MTMR10: variants seen among roughly 807,000 people sequenced by gnomAD.
The protein encoded by MTMR10 is myotubularin-related protein 10.
In MTMR10, 56 loss-of-function variants were observed where a neutral mutation model predicts 88.1. That is an observed-to-expected ratio of 0.64 (90% CI 0.51 to 0.79). The LOEUF (loss-of-function observed/expected upper bound fraction) is 0.79. MTMR10 is among the 30% of genes least tolerant of loss of function. MTMR10 has a pLI of 0.00. For synonymous variants in MTMR10, 380 were observed against 340.9 expected (o/e 1.11, Z -1.26); for missense variants, 883 against 924.7 (o/e 0.95, Z 0.58).
At chr15:30,945,532 A>G (rs1158646460) in intron 14 of MTMR10, among the ~76,000 whole-genome samples, 1 of 112,386 alleles carries the variant, frequency 8.9e-6, no homozygotes, top group Non-Finnish European at 1.9e-5. Flanking sequence ...CGCCTCACGC[A>G]CCTTTTGCAG....
rs776851412 is a variant in MTMR10 at position 30,941,533 on chromosome 15, T to C, written c.2271A>G (p.Leu757=). 1.9e-6 allele frequency: 3 copies of C among 1,610,014 alleles called. No individual in the cohort carries two copies. Among genetic ancestry groups the C allele is most frequent in the East Asian group, 2.2e-5 (1 of 44,840 alleles). The change falls in exon 16 of 16, where the codon TTA becomes TTG. Residue 757 remains leucine (L), a synonymous_variant. Transcript: ENST00000435680. ...LCRRSILGTP[L]SKFLSGAKIW... ...TTTTGGCCCCACTTAAAAATTTGCT[T>C]AATGGTGTTCCTAAAATGCTTCGTC...
chr15:30,948,242 A>G, intron 13 of MTMR10, 60 bp downstream of exon 13: 1 of 1,475,484 alleles, frequency 6.8e-7, no homozygotes, highest in Non-Finnish European at 9.1e-7. Flanking sequence ...TCTTTTAATG[A>G]CACAAATTTT....
chr15:30,969,274 A>C (rs1436162740), intron 5 of MTMR10, among the ~76,000 whole-genome samples: 1 of 152,034 alleles, frequency 6.6e-6, no homozygotes, highest in Non-Finnish European at 1.5e-5. Flanking sequence ...GAAAAAAAAA[A>C]CTGCTTCTTG....
chr15:30,957,303 ATAAT>A (rs2063340820), intron 9 of MTMR10, among the ~76,000 whole-genome samples: 1 of 152,226 alleles, frequency 6.6e-6, no homozygotes. Context: ...ACACACATAT[ATAAT>A]TAAAAACTGA....
rs2063278352 is a variant in MTMR10, at chr15:30,953,421, T to C, written c.1136+141A>G. 7 of 647,412 alleles carry C rather than the reference T, an allele frequency of 1.1e-5. No homozygotes were observed. In the South Asian group the frequency reaches 1.5e-4, roughly 14 times the overall value. The allele number at this position is 647,412 out of a possible 1,614,324, so 40.1% of individuals were successfully genotyped here. A position where few individuals can be genotyped will look rare whatever the true frequency, so the allele number is the denominator to read the frequency against. ...CAGCTTCCTGGTTTGGATGCTGTACTCTAGTTACGAGATGTTACTATTGGG... is the reference window on the plus strand; with the variant it reads ...CAGCTTCCTGGTTTGGATGCTGTACCCTAGTTACGAGATGTTACTATTGGG... On this transcript the variant is annotated intron_variant, in intron 11 of 15. Transcript: ENST00000435680.
At chr15:30,928,429 A>G in the MTMR10 span, 1 of 1,509,626 alleles carries the variant, frequency 6.6e-7, no homozygotes, top group African/African-American at 1.4e-5. Flanking sequence ...TGAATCTAAA[A>G]TATTTCTATT....
rs1021502171 is a variant in MTMR10, at chr15:30,939,338, C to T, written c.*2132G>A. On this transcript the variant is annotated 3_prime_UTR_variant, in exon 16 of 16. Coordinates refer to ENST00000435680, the MANE Select transcript of MTMR10 (RefSeq NM_017762.3). ...ATTCCCTCAGCACGGGCTCTGCTGG[C>T]GGGCAGCAGGGGTGCTGAGCTCTCT... 3.1e-5 allele frequency: 31 copies of T among 985,348 alleles called. No homozygotes were observed. Among genetic ancestry groups the T allele is most frequent in the African/African-American group, 1.7e-4 (10 of 57,246 alleles). The allele number at this position is 985,348 out of a possible 1,614,324, so 61.0% of individuals were successfully genotyped here.
chr15:30,989,904 G>C (rs1161740168), intron 2 of MTMR10, among the ~76,000 whole-genome samples: 1 of 152,042 alleles, frequency 6.6e-6, no homozygotes, highest in East Asian at 1.9e-4. Context: ...TTTAAAACAG[G>C]CTTTCCTAAG....
chr15:30,958,224 G>A (rs542983472), intron 9 of MTMR10, among the ~76,000 whole-genome samples: 25 of 152,330 alleles, frequency 1.6e-4, no homozygotes, highest in Admixed American at 5.2e-4. Flanking sequence ...ATGAGGAAGC[G>A]GCCTTAGAAT....
chr15:30,959,019 A>G lies in MTMR10; in HGVS notation c.846+15T>C, dbSNP rs762550101. The G allele has an allele frequency of 1.9e-5, 31 of 1,613,574 alleles. No homozygotes were observed. Among genetic ancestry groups the G allele is most frequent in the Non-Finnish European group, 2.5e-5 (29 of 1,179,646 alleles). The stretch of plus-strand genomic sequence containing the variant: ...TGGACGTCAGCATTCATAAAATCCA[A>G]CAGAAATCACTTACTGGCATCCTTC... On this transcript the variant is annotated intron_variant, in intron 8 of 15. Coordinates refer to ENST00000435680, the MANE Select transcript of MTMR10 (RefSeq NM_017762.3).
chr15:30,953,669 ATTT>A lies in MTMR10; in HGVS notation c.1067-41_1067-39del, dbSNP rs780155415. 9.5e-5 allele frequency: 127 copies of A among 1,338,960 alleles called. 2 individuals are homozygous for A. The East Asian group carries it at 3.0e-3, about 32-fold the overall frequency. The allele number at this position is 1,338,960 out of a possible 1,614,324, so 82.9% of individuals were successfully genotyped here. A position where few individuals can be genotyped will look rare whatever the true frequency, so the allele number is the denominator to read the frequency against. ...ATATACATACACATTTTTACTTTTTATTTTATACGATCCCTATCAGAGTAAAGA... is the reference window on the plus strand; with the variant it reads ...ATATACATACACATTTTTACTTTTTATATACGATCCCTATCAGAGTAAAGA... On this transcript the variant is annotated intron_variant, in intron 10 of 15. Coordinates refer to ENST00000435680, the MANE Select transcript of MTMR10 (RefSeq NM_017762.3).
At chr15:30,985,685 C>T (rs2030897065) in intron 2 of MTMR10, among the ~76,000 whole-genome samples, 1 of 152,194 alleles carries the variant, frequency 6.6e-6, no homozygotes, top group South Asian at 2.1e-4. Flanking sequence ...CAGAAACATG[C>T]CTGGTAATAG....
At chr15:30,967,512 A>G (rs759904240) in intron 6 of MTMR10, among the ~76,000 whole-genome samples, 32 of 152,312 alleles carry the variant, frequency 2.1e-4, no homozygotes, top group Non-Finnish European at 1.6e-4. Flanking sequence ...TAATCACTTT[A>G]GCTTTTGCAT....
At chr15:30,921,844 C>CCTCATTACTT in the MTMR10 span, among the ~76,000 whole-genome samples, 3 of 152,324 alleles carry the variant, frequency 2.0e-5, no homozygotes, top group South Asian at 6.2e-4. Flanking sequence ...CCCCAAATCC[C>CCTCATTACTT]TCTTGCAGTT....
At chr15:30,925,946 G>C in the MTMR10 span, 1 of 1,613,938 alleles carries the variant, frequency 6.2e-7, no homozygotes, top group Non-Finnish European at 8.5e-7. Context: ...CAGGGTAACT[G>C]AGCAGGCTTT....
At chr15:30,944,618 A>G (rs1181724583) in intron 14 of MTMR10, among the ~76,000 whole-genome samples, 2 of 151,980 alleles carry the variant, frequency 1.3e-5, no homozygotes, top group Admixed American at 6.6e-5. Flanking sequence ...ATGTACATGG[A>G]TTAAAAACAA....
chr15:30,984,675 C>T (rs2030823582), intron 2 of MTMR10, among the ~76,000 whole-genome samples: 1 of 152,166 alleles, frequency 6.6e-6, no homozygotes, highest in African/African-American at 2.4e-5. Context: ...TGGTTGTATG[C>T]TTTTCTGATC....
intron 12 of MTMR10, among the ~76,000 whole-genome samples, chr15:30,950,652 A>G (rs1384236039): frequency 6.7e-6 from 1 of 148,212 alleles, no homozygotes; most frequent in African/African-American, 2.5e-5. Flanking sequence ...CCTAGGTGAC[A>G]GGAGCGAAAC....
intron 2 of MTMR10, among the ~76,000 whole-genome samples, chr15:30,990,523 C>T (rs2031244728): frequency 6.6e-6 from 1 of 152,152 alleles, no homozygotes; most frequent in South Asian, 2.1e-4. Context: ...GTGGCAAACA[C>T]GTCAGCAAAG....
Sources: gnomAD v4.1 joint callset for allele counts (sites outside exome capture counted in the v4.1 genomes callset) on GRCh38, gnomAD v4.1.1 for gene constraint, MANE v1.5 for transcripts, NCBI Gene and HGNC (gene_info 2026-07-23, HGNC 2026-07-21) for gene names.